The following UMAD1 variants were observed in gnomAD, a reference collection of about 807,000 sequenced individuals.
The protein encoded by UMAD1 is UBAP1-MVB12-associated (UMA) domain containing 1.
Under a neutral mutation model 6.1 loss-of-function variants are expected in UMAD1, and 8 were observed. That is an observed-to-expected ratio of 1.30 (90% confidence interval 0.76 to 2.35). The LOEUF is 2.35. Ranked by LOEUF, UMAD1 falls within the 30% of genes most tolerant of loss-of-function variation. UMAD1 has a pLI of 0.00. For missense variants in UMAD1, 130 were observed against 78.4 expected, an observed-to-expected ratio of 1.66 and a Z score of -2.49; for synonymous variants, 56 against 31.4, an observed-to-expected ratio of 1.78 and a Z score of -2.61.
intron 2 of UMAD1, among the ~76,000 whole-genome samples, chr7:7,696,874 T>G (rs1259824901): frequency 6.6e-6 from 1 of 152,078 alleles, no homozygotes; most frequent in African/African-American, 2.4e-5. Context: ...TTTCAGACAT[T>G]CCTTCTGAAA....
intron 3 of UMAD1, among the ~76,000 whole-genome samples, chr7:7,813,048 C>T (rs1783053154): frequency 1.3e-5 from 2 of 152,200 alleles, no homozygotes; most frequent in East Asian, 1.9e-4. Context: ...CTGAATATTC[C>T]ACTTTGTACC....
chr7:7,874,085 T>C (rs943619745), intron 3 of UMAD1, among the ~76,000 whole-genome samples: 2 of 152,190 alleles, frequency 1.3e-5, no homozygotes. Context: ...TTCCCATCCC[T>C]ATAATTGGTG....
In UMAD1 at chr7:7,658,345, G is replaced by A. The variant is rs553356812; in HGVS notation, c.-63-14964G>A. Among the ~76,000 whole-genome samples the A allele has an allele frequency of 6.2e-4, 95 of 152,212 alleles. 1 individual carries two copies. In the South Asian group the frequency reaches 0.019, roughly 31 times the overall value. ...GGCCCTGGCCAGAACTTCTAATACT[G>A]TGTTGAATAGGAGTGGTGAGAGAGG... On this transcript the variant is annotated intron_variant, in intron 1 of 3. Transcript: ENST00000682710.
chr7:7,744,272 A>G (rs188910255), intron 2 of UMAD1, among the ~76,000 whole-genome samples: 1 of 152,294 alleles, frequency 6.6e-6, no homozygotes, highest in East Asian at 1.9e-4. Context: ...TTATTGTTGA[A>G]TAATATCCCA....
chr7:7,792,519 T>G (rs1007195413), intron 2 of UMAD1, among the ~76,000 whole-genome samples: 2 of 152,260 alleles, frequency 1.3e-5, no homozygotes, highest in Non-Finnish European at 2.9e-5. Flanking sequence ...TAACTCAAGC[T>G]TTGATAAGTA....
chr7:7,737,027 G>T (rs888157670), intron 2 of UMAD1, among the ~76,000 whole-genome samples: 2 of 152,256 alleles, frequency 1.3e-5, no homozygotes, highest in African/African-American at 4.8e-5. Context: ...TCTGAGAGGG[G>T]TTTTCCTTCT....
chr7:7,774,651 C>G (rs571225637), intron 2 of UMAD1, among the ~76,000 whole-genome samples: 1 of 152,172 alleles, frequency 6.6e-6, no homozygotes, highest in Non-Finnish European at 1.5e-5. Context: ...AACATAGATT[C>G]TTTGTGAGTG....
At chr7:7,773,735 A>T (rs1389094308) in intron 2 of UMAD1, among the ~76,000 whole-genome samples, 1 of 152,176 alleles carries the variant, frequency 6.6e-6, no homozygotes, top group Non-Finnish European at 1.5e-5. Flanking sequence ...TTGCTTTAAA[A>T]CATTTTTATA....
intron 2 of UMAD1, among the ~76,000 whole-genome samples, chr7:7,700,616 G>T (rs781697843): frequency 2.0e-5 from 3 of 152,050 alleles, no homozygotes; most frequent in African/African-American, 7.2e-5. Context: ...GGCCGGGCGC[G>T]GTGGCTCACG....
At chr7:7,869,113 C>G (rs1376222077) in intron 3 of UMAD1, among the ~76,000 whole-genome samples, 1 of 152,152 alleles carries the variant, frequency 6.6e-6, no homozygotes, top group African/African-American at 2.4e-5. Context: ...TATTAGTGAC[C>G]AGCTTCTTAT....
chr7:7,751,532 G>A (rs553860617), intron 2 of UMAD1, among the ~76,000 whole-genome samples: 1 of 152,154 alleles, frequency 6.6e-6, no homozygotes, highest in South Asian at 2.1e-4. Flanking sequence ...AACTAAATTA[G>A]ACTTTGCACT....
intron 1 of UMAD1, among the ~76,000 whole-genome samples, chr7:7,656,540 C>T (rs1418714194): frequency 6.6e-6 from 1 of 152,126 alleles, no homozygotes; most frequent in South Asian, 2.1e-4. Context: ...TTGCTCAACT[C>T]CCACTTATAA....
intron 2 of UMAD1, among the ~76,000 whole-genome samples, chr7:7,683,982 C>T (rs1208092681): frequency 6.6e-6 from 1 of 152,138 alleles, no homozygotes; most frequent in Non-Finnish European, 1.5e-5. Context: ...GAAATTGGTT[C>T]CAAGACCCCC....
intron 2 of UMAD1, among the ~76,000 whole-genome samples, chr7:7,688,451 C>T (rs370175754): frequency 5.5e-4 from 83 of 152,256 alleles, no homozygotes; most frequent in African/African-American, 1.9e-3. Context: ...CACTGATTAT[C>T]CGAATCCAAG....
intron 2 of UMAD1, among the ~76,000 whole-genome samples, chr7:7,690,386 C>G (rs1193690160): frequency 6.6e-6 from 1 of 151,828 alleles, no homozygotes; most frequent in Non-Finnish European, 1.5e-5. Context: ...AGTTTAAAAC[C>G]AAGTATATAT....
intron 2 of UMAD1, among the ~76,000 whole-genome samples, chr7:7,760,412 AAATAATAATAATAAT>A (rs71014709): frequency 0.019 from 2,742 of 142,688 alleles, 33 homozygotes; most frequent in South Asian, 0.066. Flanking sequence ...AAAAAATACA[AAATAATAATAATAAT>A]AATAATAATA....
chr7:7,711,444 T>G (rs1780760923), intron 2 of UMAD1, among the ~76,000 whole-genome samples: 1 of 152,196 alleles, frequency 6.6e-6, no homozygotes, highest in Non-Finnish European at 1.5e-5. Context: ...ATTCTATCCT[T>G]TTCATATTAT....
intron 2 of UMAD1, among the ~76,000 whole-genome samples, chr7:7,773,663 T>C (rs1007601308): frequency 2.0e-5 from 3 of 152,222 alleles, no homozygotes; most frequent in African/African-American, 7.2e-5. Flanking sequence ...TTATACAGAT[T>C]GCCCAACACA....
chr7:7,673,367 C>CAGCAGT lies in UMAD1; in HGVS notation c.-1_1insGTAGCA, dbSNP rs770679624. On this transcript the variant is annotated 5_prime_UTR_variant, in exon 2 of 4. Coordinates refer to ENST00000682710, the MANE Select transcript of UMAD1 (RefSeq NM_001302348.2). ...GCAGCAGCAGCAGCAGCAGCAGCAG[C>CAGCAGT]AGCAATGTTTCACTTCTTCAGAAAG... 13 of 1,105,542 alleles carry CAGCAGT rather than the reference C, an allele frequency of 1.2e-5. No homozygotes were observed. The South Asian group carries it at 1.6e-4, about 14-fold the overall frequency. 68.5% of individuals were successfully genotyped at this position (1,105,542 alleles called of 1,614,324 possible).
Sources: allele counts gnomAD v4.1 joint callset (sites outside exome capture counted in the v4.1 genomes callset), GRCh38; gene constraint gnomAD v4.1.1; transcripts MANE v1.5; gene names NCBI Gene and HGNC (gene_info 2026-07-23, HGNC 2026-07-21).